Variants in CAST observed in about 807,000 individuals in gnomAD.
CAST encodes the protein MIR583 host.
CAST carries 76 observed loss-of-function variants against 119.6 expected under a neutral mutation model. The observed-to-expected ratio is 0.64, with a 90% confidence interval of 0.53 to 0.77. The LOEUF (loss-of-function observed/expected upper bound fraction) is 0.77. Ranked by LOEUF, CAST falls within the 30% of genes least tolerant of loss-of-function variation. CAST has a pLI of 0.00. For synonymous variants in CAST, 319 were observed against 331.6 expected (o/e 0.96, Z 0.41); for missense variants, 953 against 946.5 (o/e 1.01, Z -0.09).
At chr5:96,358,374 T>G in the CAST span, among the ~76,000 whole-genome samples, 2 of 152,226 alleles carry the variant, frequency 1.3e-5, no homozygotes, top group Admixed American at 1.3e-4. Context: ...TTCTGCTAGC[T>G]TTTGAATTTG....
chr5:96,548,981 A>G (rs148383021), intron 1 of CAST, among the ~76,000 whole-genome samples: 10 of 152,330 alleles, frequency 6.6e-5, no homozygotes, highest in Middle Eastern at 6.8e-3. Context: ...GGTGACCCAC[A>G]TGCTACTGGC....
the CAST span, among the ~76,000 whole-genome samples, chr5:96,501,291 A>G: frequency 6.6e-6 from 1 of 152,240 alleles, no homozygotes; most frequent in African/African-American, 2.4e-5. Flanking sequence ...TAAACTCTTC[A>G]TTTAAAGATT....
At chr5:96,554,739 A>G (rs888050855) in intron 1 of CAST, among the ~76,000 whole-genome samples, 2 of 152,226 alleles carry the variant, frequency 1.3e-5, no homozygotes, top group African/African-American at 2.4e-5. Flanking sequence ...AAAAACGGGC[A>G]AAGGATATGA....
chr5:96,207,089 T>C, the CAST span, among the ~76,000 whole-genome samples: 1 of 152,120 alleles, frequency 6.6e-6, no homozygotes, highest in Non-Finnish European at 1.5e-5. Context: ...CATTCTTGAT[T>C]TGGCCCTCAG....
chr5:96,579,940 G>A (rs374368165), intron 1 of CAST, among the ~76,000 whole-genome samples: 1 of 152,232 alleles, frequency 6.6e-6, no homozygotes, highest in Non-Finnish European at 1.5e-5. Context: ...ACAGTCCTAA[G>A]TTGATGTCTG....
At chr5:96,219,117 G>A in the CAST span, among the ~76,000 whole-genome samples, 1 of 152,116 alleles carries the variant, frequency 6.6e-6, no homozygotes, top group African/African-American at 2.4e-5. Flanking sequence ...TTTTTTATGT[G>A]TATGATTTCA....
intron 1 of CAST, among the ~76,000 whole-genome samples, chr5:96,604,397 T>C (rs938395729): frequency 6.6e-6 from 1 of 152,210 alleles, no homozygotes; most frequent in Non-Finnish European, 1.5e-5. Flanking sequence ...GAGTAGATAA[T>C]AAACATGTGA....
chr5:96,722,837 T>A, intron 4 of CAST, 139 bp downstream of exon 4: 1 of 670,108 alleles, frequency 1.5e-6, no homozygotes, highest in East Asian at 2.7e-5. Context: ...TCTTCCTAAT[T>A]TATGGGGGTC....
chr5:96,721,503 C>A (rs1373300389), intron 3 of CAST, among the ~76,000 whole-genome samples: 1 of 152,048 alleles, frequency 6.6e-6, no homozygotes, highest in Non-Finnish European at 1.5e-5. Flanking sequence ...CCCTGTGACT[C>A]AGCCTCTGAA....
the CAST span, among the ~76,000 whole-genome samples, chr5:96,379,394 C>T: frequency 6.6e-6 from 1 of 152,184 alleles, no homozygotes; most frequent in Non-Finnish European, 1.5e-5. Context: ...AATCCATTCA[C>T]ATTGGGAAAA....
At chr5:96,455,999 G>T in the CAST span, among the ~76,000 whole-genome samples, 1 of 152,074 alleles carries the variant, frequency 6.6e-6, no homozygotes, top group Non-Finnish European at 1.5e-5. Context: ...TTCCCTCTGG[G>T]TCCAAAACAG....
the CAST span, among the ~76,000 whole-genome samples, chr5:96,363,960 G>A: frequency 6.6e-6 from 1 of 152,102 alleles, no homozygotes; most frequent in Non-Finnish European, 1.5e-5. Context: ...TATGATATTG[G>A]CTGTGGGTTT....
upstream of CAST, among the ~76,000 whole-genome samples, chr5:96,657,594 A>G (rs1173167018): frequency 6.6e-6 from 1 of 152,256 alleles, no homozygotes; most frequent in Non-Finnish European, 1.5e-5. Flanking sequence ...TCCAGACAGA[A>G]ATAGCACATT....
At chr5:96,636,528 A>G (rs948399981) in intron 1 of CAST, among the ~76,000 whole-genome samples, 21 of 113,572 alleles carry the variant, frequency 1.8e-4, no homozygotes, top group African/African-American at 8.6e-4. Flanking sequence ...ATTATGGACT[A>G]CCATTTTATT....
At chr5:96,133,497 C>T in the CAST span, among the ~76,000 whole-genome samples, 3 of 152,098 alleles carry the variant, frequency 2.0e-5, no homozygotes, top group Non-Finnish European at 4.4e-5. Flanking sequence ...ACATTCTTTA[C>T]GACATGAGAG....
At chr5:96,176,630 A>T in the CAST span, among the ~76,000 whole-genome samples, 24 of 152,328 alleles carry the variant, frequency 1.6e-4, no homozygotes, top group African/African-American at 5.5e-4. Flanking sequence ...ATTTTTGACA[A>T]TGCCACTTGA....
At chr5:96,636,701 G>A (rs1392222333) in intron 1 of CAST, among the ~76,000 whole-genome samples, 1 of 152,154 alleles carries the variant, frequency 6.6e-6, no homozygotes, top group Admixed American at 6.5e-5. Flanking sequence ...GTAGCATTTG[G>A]AATCGCTTTC....
intron 1 of CAST, among the ~76,000 whole-genome samples, chr5:96,651,272 C>A (rs1329542516): frequency 6.6e-6 from 1 of 152,176 alleles, no homozygotes; most frequent in Non-Finnish European, 1.5e-5. Flanking sequence ...GGTTTCTCCA[C>A]CACACTGCAG....
chr5:96,648,717 C>CGTGTGT (rs72068689), intron 1 of CAST, among the ~76,000 whole-genome samples: 4,486 of 148,882 alleles, frequency 0.03, 71 homozygotes, highest in South Asian at 0.052. Context: ...TATATATATG[C>CGTGTGT]GTGTGTGTGT....
Sources: allele counts gnomAD v4.1 joint callset (sites outside exome capture counted in the v4.1 genomes callset), GRCh38; gene constraint gnomAD v4.1.1; transcripts MANE v1.5; gene names NCBI Gene and HGNC (gene_info 2026-07-23, HGNC 2026-07-21).